ACACB: variants seen among roughly 807,000 people sequenced by gnomAD.
ACACB encodes the protein acetyl-CoA carboxylase beta.
A neutral mutation model predicts 278.8 loss-of-function variants in ACACB; 209 were observed. The observed-to-expected ratio is 0.75, with a 90% CI of 0.67 to 0.84. ACACB has a LOEUF of 0.84. ACACB is among the 40% of genes least tolerant of loss of function. ACACB has a pLI of 0.00. For synonymous variants in ACACB, 1,174 were observed against 1,285.6 expected, an observed-to-expected ratio of 0.91 and a Z score of 1.86; for missense variants, 2,850 against 3,269.0, an observed-to-expected ratio of 0.87 and a Z score of 3.13.
chr12:109,203,195 T>C (rs754647124), intron 19 of ACACB, among the ~76,000 whole-genome samples: 1 of 152,232 alleles, frequency 6.6e-6, no homozygotes, highest in Non-Finnish European at 1.5e-5. Flanking sequence ...AGAATTTCCC[T>C]GTTTTTTAAG....
chr12:109,175,838 G>T, intron 7 of ACACB, 93 bp from the exon 8 acceptor site: 1 of 1,055,080 alleles, frequency 9.5e-7, no homozygotes, highest in Non-Finnish European at 1.5e-6. Context: ...CCCAGGTCTA[G>T]CACTATGTCA....
intron 37 of ACACB, among the ~76,000 whole-genome samples, chr12:109,243,891 A>ATG (rs201944868): frequency 7.1e-6 from 1 of 140,892 alleles, no homozygotes; most frequent in Non-Finnish European, 1.6e-5. Context: ...ATATATATAT[A>ATG]TATATTTATT....
chr12:109,119,894 C>G (rs1246816498), intron 1 of ACACB, among the ~76,000 whole-genome samples: 1 of 150,028 alleles, frequency 6.7e-6, no homozygotes, highest in Non-Finnish European at 1.5e-5. Flanking sequence ...GACTCCATCT[C>G]AGAAGAAAAA....
chr12:109,145,284 A>T (rs2043215278), intron 2 of ACACB, among the ~76,000 whole-genome samples: 2 of 152,174 alleles, frequency 1.3e-5, no homozygotes, highest in African/African-American at 4.8e-5. Flanking sequence ...GCTCAAAATC[A>T]TGGCCTCCCA....
At position 109,201,628 on chromosome 12, in the gene ACACB, G is replaced by A. The variant is rs181685208; in HGVS notation, c.2840G>A (p.Arg947His). The A allele has an allele frequency of 1.5e-5, 25 of 1,614,180 alleles. No homozygotes were observed. The highest frequency in any genetic ancestry group is 3.3e-5 in the Admixed American group (2 of 60,022). ...AGAGGCCGGGTGAAGTACATCAAGC[G>A]TCCAGGTGCCGTGCTGGAAGCAGGC... ...QERGRVKYIK[R>H]PGAVLEAGCV... is the part of the protein sequence containing the mutation. The change falls in exon 19 of 53, where the codon CGT (arginine) becomes CAT (histidine). Residue 947 changes from arginine (R) to histidine (H), a missense_variant. Around this residue, in one of 3 missense-constraint regions of ACACB, gnomAD observed 2,265 missense variants for 2,561.3 expected, o/e 0.88. Coordinates refer to ENST00000338432, the MANE Select transcript of ACACB (RefSeq NM_001093.4).
intron 10 of ACACB, 130 bp from the exon 11 acceptor site, chr12:109,179,786 TG>T: frequency 9.1e-7 from 1 of 1,096,284 alleles, no homozygotes; most frequent in Non-Finnish European, 1.3e-6. Context: ...CCACCACACC[TG>T]GCCAGTCCCA....
At chr12:109,162,918 G>T (rs776601327) in intron 2 of ACACB, among the ~76,000 whole-genome samples, 48 of 152,190 alleles carry the variant, frequency 3.2e-4, no homozygotes, top group Non-Finnish European at 5.9e-4. Context: ...TTTGGGTTCA[G>T]TTTCTTTTTC....
chr12:109,238,291 T>A (rs1258557627), intron 34 of ACACB, among the ~76,000 whole-genome samples: 1 of 148,524 alleles, frequency 6.7e-6, no homozygotes. Context: ...TCATTGTTAA[T>A]AAAGAGTGGT....
chr12:109,213,124 G>A (rs953321957), intron 22 of ACACB, among the ~76,000 whole-genome samples, 188 bp downstream of exon 22: 2 of 152,202 alleles, frequency 1.3e-5, no homozygotes, highest in African/African-American at 4.8e-5. Flanking sequence ...ATCTCTGTTT[G>A]TAAATCTCAG....
At chr12:109,209,488 AG>A (rs2045618834) in intron 21 of ACACB, 135 bp downstream of exon 21, 1 of 889,978 alleles carries the variant, frequency 1.1e-6, no homozygotes, top group Non-Finnish European at 1.7e-6. Context: ...TCAGGGGCCG[AG>A]GGTTTCCTTT....
rs186219349 is a variant in ACACB at position 109,193,768 on chromosome 12, T to C, written c.2481+39T>C. The C allele has an allele frequency of 6.5e-6, 10 of 1,540,826 alleles. No individual in the cohort carries two copies. In the African/African-American group the frequency reaches 1.2e-4, roughly 19 times the overall value. ...TGCCTCTCCGATGTCTCCAACACTC[T>C]GCAAGCTTCAGGGAGTTTCTTTCTT... On this transcript the variant is annotated intron_variant, in intron 16 of 52. Coordinates refer to ENST00000338432, the MANE Select transcript of ACACB (RefSeq NM_001093.4).
intron 24 of ACACB, among the ~76,000 whole-genome samples, chr12:109,219,593 TGGAA>T (rs1036087579): frequency 6.6e-6 from 1 of 152,124 alleles, no homozygotes; most frequent in African/African-American, 2.4e-5. Context: ...CTGTAGTAGG[TGGAA>T]GGGAGATATG....
rs762757492 is a variant in ACACB at position 109,241,136 on chromosome 12, G to A, written c.4877G>A (p.Arg1626His). ...TACGGCAGCCGGCTGTGGAAACTCC[G>A]TGTGCTACAGGCTGAGGTCAAGATC... ...MRYGSRLWKL[R>H]VLQAEVKINI... The change falls in exon 36 of 53, where the codon CGT becomes CAT. Residue 1626 changes from arginine (R) to histidine (H), a missense_variant. Around this residue, in one of 3 missense-constraint regions of ACACB, gnomAD observed 2,265 missense variants for 2,561.3 expected, o/e 0.88. Transcript: ENST00000338432. The A allele has an allele frequency of 4.3e-6, 7 of 1,614,016 alleles. No homozygotes were observed. The highest frequency in any genetic ancestry group is 1.3e-5 in the African/African-American group (1 of 74,896).
At chr12:109,175,665 C>G (rs1392084042) in intron 7 of ACACB, among the ~76,000 whole-genome samples, 1 of 152,134 alleles carries the variant, frequency 6.6e-6, no homozygotes, top group African/African-American at 2.4e-5. Flanking sequence ...CGATTCCCCC[C>G]ACCTCAGCCT....
In ACACB at chr12:109,265,520, C is replaced by G. The variant is rs2047495004; in HGVS notation, c.7245C>G (p.Ile2415Met). 1.9e-6 allele frequency: 3 copies of G among 1,613,438 alleles called. No individual in the cohort carries two copies. In the East Asian group the frequency reaches 6.7e-5, roughly 36 times the overall value. ...YLKHDSVLKTIRGLVEENPEV... is the reference protein window; with the variant it reads ...YLKHDSVLKTMRGLVEENPEV... ...AGCACGACTCTGTCCTCAAGACCAT[C>G]CGAGGGTGAGTGGCCACCGCACCTG... The change falls in exon 52 of 53, where the codon ATC becomes ATG. Residue 2415 changes from isoleucine to methionine, a missense_variant. Ile to Met is a conservative substitution (Grantham distance 10). Around this residue, in one of 3 missense-constraint regions of ACACB, gnomAD observed 579 missense variants for 684.6 expected, o/e 0.85. Transcript: ENST00000338432.
intron 37 of ACACB, 162 bp downstream of exon 37, chr12:109,242,754 G>A (rs1446704413): frequency 2.7e-5 from 20 of 754,348 alleles, no homozygotes; most frequent in Admixed American, 6.2e-5. Flanking sequence ...TCGGGAGGCC[G>A]AGGAGGGAGG....
intron 28 of ACACB, among the ~76,000 whole-genome samples, chr12:109,230,958 C>A (rs769511949): frequency 6.6e-6 from 1 of 152,162 alleles, no homozygotes; most frequent in Non-Finnish European, 1.5e-5. Context: ...CAGAAATGTA[C>A]TCTGGGCCTG....
intron 12 of ACACB, 68 bp from the exon 13 acceptor site, chr12:109,187,931 T>C (rs1177716603): frequency 6.5e-7 from 1 of 1,541,986 alleles, no homozygotes; most frequent in African/African-American, 1.4e-5. Context: ...TTCCCAGGAC[T>C]GAATTCTGAT....
intron 2 of ACACB, among the ~76,000 whole-genome samples, chr12:109,143,641 A>G (rs2043173390): frequency 6.6e-6 from 1 of 151,948 alleles, no homozygotes; most frequent in Non-Finnish European, 1.5e-5. Flanking sequence ...TTCTGCTGGC[A>G]CCTCCTGAGA....
Sources: allele counts gnomAD v4.1 joint callset (sites outside exome capture counted in the v4.1 genomes callset), GRCh38; gene constraint gnomAD v4.1.1; regional missense constraint gnomAD v4.1.1; transcripts MANE v1.5; gene names NCBI Gene and HGNC (gene_info 2026-07-23, HGNC 2026-07-21).